The following DOCK1 variants were observed in gnomAD, a reference collection of about 807,000 sequenced individuals.
DOCK1 encodes the protein dedicator of cytokinesis 1.
Under a neutral mutation model 262.7 loss-of-function variants are expected in DOCK1, and 138 were observed. The ratio of observed to expected loss-of-function variants is 0.53; its 90% CI spans 0.46 to 0.61. The LOEUF is 0.61. Among genes scored for constraint, DOCK1 ranks in the 20% least tolerant of loss-of-function variants. DOCK1 has a pLI of 0.00. For synonymous variants in DOCK1, 866 were observed against 867.4 expected, an observed-to-expected ratio of 1.00 and a Z score of 0.03; for missense variants, 1,908 against 2,370.7, an observed-to-expected ratio of 0.80 and a Z score of 4.05.
intron 28 of DOCK1, among the ~76,000 whole-genome samples, chr10:127,254,585 G>GT (rs1792576849): frequency 6.6e-6 from 1 of 152,204 alleles, no homozygotes; most frequent in East Asian, 1.9e-4. Flanking sequence ...CATTGTGAAA[G>GT]TATGTACCTC....
chr10:127,330,821 AAC>A (rs1193990501), intron 29 of DOCK1, among the ~76,000 whole-genome samples: 1 of 152,224 alleles, frequency 6.6e-6, no homozygotes, highest in Admixed American at 6.5e-5. Context: ...ATGAAGGAGA[AAC>A]ACACACATGT....
chr10:126,966,899 T>C (rs1427252286), intron 1 of DOCK1, among the ~76,000 whole-genome samples: 1 of 152,242 alleles, frequency 6.6e-6, no homozygotes, highest in African/African-American at 2.4e-5. Flanking sequence ...GTGTCTAGCT[T>C]CTACGCTGGA....
chr10:127,248,528 G>A (rs1278038901), intron 28 of DOCK1, among the ~76,000 whole-genome samples: 1 of 152,176 alleles, frequency 6.6e-6, no homozygotes, highest in East Asian at 1.9e-4. Flanking sequence ...TTAATTAGCT[G>A]TAATCATGGA....
chr10:127,312,400 G>T (rs1412760654), intron 29 of DOCK1, among the ~76,000 whole-genome samples: 4 of 152,198 alleles, frequency 2.6e-5, no homozygotes, highest in Non-Finnish European at 5.9e-5. Flanking sequence ...AAACACAAGA[G>T]ATCTGGGCTC....
At chr10:127,221,003 G>A (rs1248248161) in intron 27 of DOCK1, among the ~76,000 whole-genome samples, 1 of 152,180 alleles carries the variant, frequency 6.6e-6, no homozygotes, top group Admixed American at 6.5e-5. Context: ...GTTTAGATGT[G>A]TGGTTGCTAA....
chr10:127,054,879 C>G (rs1021747176), intron 22 of DOCK1, among the ~76,000 whole-genome samples: 8 of 152,280 alleles, frequency 5.3e-5, no homozygotes, highest in East Asian at 1.9e-4. Context: ...TTAAAACGAT[C>G]GTGCATTGAT....
intron 29 of DOCK1, among the ~76,000 whole-genome samples, chr10:127,269,647 C>T (rs1203705268): frequency 6.6e-6 from 1 of 152,176 alleles, no homozygotes; most frequent in Non-Finnish European, 1.5e-5. Context: ...GTCCTGTCTG[C>T]CCTGGCATCT....
intron 1 of DOCK1, among the ~76,000 whole-genome samples, chr10:126,919,523 T>C (rs1363669703): frequency 6.6e-6 from 1 of 152,084 alleles, no homozygotes; most frequent in Non-Finnish European, 1.5e-5. Flanking sequence ...GCTTTGAGAA[T>C]CAGCCCAGTG....
chr10:127,218,860 G>T (rs753257879), intron 27 of DOCK1, among the ~76,000 whole-genome samples: 1 of 152,168 alleles, frequency 6.6e-6, no homozygotes, highest in Non-Finnish European at 1.5e-5. Flanking sequence ...AAGTTTGGTC[G>T]TCTGGTGAGG....
chr10:127,185,475 G>A lies in DOCK1; in HGVS notation c.2847+57711G>A, dbSNP rs573692176. Among the ~76,000 whole-genome samples, 776 of 152,292 alleles carry A rather than the reference G, an allele frequency of 5.1e-3. 8 individuals carry two copies. The highest frequency in any genetic ancestry group is 0.018 in the African/African-American group (740 of 41,562). On this transcript the variant is annotated intron_variant, in intron 27 of 51. Transcript: ENST00000623213. ...AGGGAGTGGGAGGTTGCAGTGAGCC[G>A]AGATTGCACCACTGCACTCCAGCAA... is the stretch of plus-strand genomic sequence containing the variant.
At chr10:127,079,021 A>C (rs2046741548) in intron 23 of DOCK1, among the ~76,000 whole-genome samples, 1 of 152,214 alleles carries the variant, frequency 6.6e-6, no homozygotes. Flanking sequence ...CCCTTTATAA[A>C]ACAGCTGAAT....
intron 40 of DOCK1, among the ~76,000 whole-genome samples, chr10:127,405,786 G>C (rs56305430): frequency 4.0e-5 from 6 of 149,114 alleles, no homozygotes; most frequent in Non-Finnish European, 7.5e-5. Context: ...TGGTGACGGA[G>C]GCGTCTGGCC....
At chr10:127,311,695 T>C (rs2135501107) in intron 29 of DOCK1, among the ~76,000 whole-genome samples, 1 of 152,196 alleles carries the variant, frequency 6.6e-6, no homozygotes, top group East Asian at 1.9e-4. Context: ...GTTGTCCCTG[T>C]CTCTGCACAG....
chr10:127,449,538 G>T (rs905815263), intron 51 of DOCK1, among the ~76,000 whole-genome samples: 1 of 152,210 alleles, frequency 6.6e-6, no homozygotes, highest in African/African-American at 2.4e-5. Context: ...GATAAAGGGC[G>T]TGTGAATTCA....
At chr10:127,108,307 G>A (rs900576442) in intron 24 of DOCK1, among the ~76,000 whole-genome samples, 20 of 151,982 alleles carry the variant, frequency 1.3e-4, no homozygotes, top group African/African-American at 4.8e-4. Flanking sequence ...CCATTTTTTG[G>A]TTAGGCATGG....
chr10:126,930,902 C>T (rs1046763801), intron 1 of DOCK1, among the ~76,000 whole-genome samples: 1 of 152,118 alleles, frequency 6.6e-6, no homozygotes, highest in African/African-American at 2.4e-5. Flanking sequence ...TTTTGAGATG[C>T]TTGACCTGAG....
chr10:127,229,178 C>A (rs35483211), intron 27 of DOCK1, among the ~76,000 whole-genome samples: 1 of 151,932 alleles, frequency 6.6e-6, no homozygotes, highest in East Asian at 1.9e-4. Flanking sequence ...GAGCCGAGAT[C>A]GCATCACTGC....
chr10:127,057,934 T>A (rs1322515070), intron 22 of DOCK1, among the ~76,000 whole-genome samples: 3 of 152,242 alleles, frequency 2.0e-5, no homozygotes, highest in Non-Finnish European at 4.4e-5. Flanking sequence ...GAGCAAGGAA[T>A]GAGCAGGTCT....
At chr10:127,356,500 C>G (rs923789939) in intron 32 of DOCK1, among the ~76,000 whole-genome samples, 1 of 152,190 alleles carries the variant, frequency 6.6e-6, no homozygotes, top group Admixed American at 6.5e-5. Context: ...TCCAATTGAT[C>G]TCTCTGTGTT....
Sources: gnomAD v4.1 joint callset for allele counts (sites outside exome capture counted in the v4.1 genomes callset) on GRCh38, gnomAD v4.1.1 for gene constraint, MANE v1.5 for transcripts, NCBI Gene and HGNC (gene_info 2026-07-23, HGNC 2026-07-21) for gene names.